CASZ1: variants seen among roughly 807,000 people sequenced by gnomAD.
The protein encoded by CASZ1 is zinc finger protein castor homolog 1.
Under a neutral mutation model 135.2 loss-of-function variants are expected in CASZ1, and 28 were observed. That is an observed-to-expected ratio of 0.21 (90% CI 0.15 to 0.28). The LOEUF is 0.28. Ranked by LOEUF, CASZ1 falls within the 10% of genes least tolerant of loss-of-function variation. The probability of loss-of-function intolerance (pLI) is 1.00; values close to 1 mark genes in which losing one functional copy is unlikely to be tolerated. For missense variants in CASZ1, 2,161 were observed against 2,453.3 expected, an observed-to-expected ratio of 0.88 and a Z score of 2.52; for synonymous variants, 1,068 against 1,073.4, an observed-to-expected ratio of 0.99 and a Z score of 0.10.
Position 10,659,780 on chromosome 1 carries a change from G to C in CASZ1, c.1262C>G (p.Ser421Cys), listed in dbSNP as rs1642946323. The change falls in exon 6 of 21, where the codon TCC becomes TGC. Residue 421 changes from serine to cysteine, a missense_variant. By Grantham distance (112) the Ser-to-Cys change is moderately radical. Coordinates refer to ENST00000377022, the MANE Select transcript of CASZ1 (RefSeq NM_001079843.3). ...CTTCAGGTACTCGGGAGTGTTGAAGGACAGGGAGGCAGGAGGCTCTGGCCC... is the reference window on the plus strand; with the variant it reads ...CTTCAGGTACTCGGGAGTGTTGAAGCACAGGGAGGCAGGAGGCTCTGGCCC... ...GPGPEPPASL[S>C]FNTPEYLKST... 1.2e-6 allele frequency: 2 copies of C among 1,613,984 alleles called. No individual in the cohort carries two copies. The highest frequency in any genetic ancestry group is 1.7e-6 in the Non-Finnish European group (2 of 1,179,908).
chr1:10,678,489 G>A (rs1393788919), intron 4 of CASZ1, among the ~76,000 whole-genome samples: 1 of 134,678 alleles, frequency 7.4e-6, no homozygotes, highest in Non-Finnish European at 1.7e-5. Flanking sequence ...GGGCAGCACC[G>A]CCCCCGCGAG....
chr1:10,656,580 G>A (rs778748019), intron 8 of CASZ1, 66 bp downstream of exon 8: 10 of 1,272,836 alleles, frequency 7.9e-6, no homozygotes, highest in Middle Eastern at 1.9e-4. Context: ...CCCGCCTGCC[G>A]ACTTCTAAGC....
chr1:10,715,809 CCA>C lies in CASZ1; in HGVS notation c.-76-10267_-76-10266del, dbSNP rs1487523215. 2.3e-4 allele frequency among the ~76,000 whole-genome samples: 28 copies of C among 124,126 alleles called. 1 individual carries two copies. Among genetic ancestry groups the C allele is most frequent in the South Asian group, 6.2e-4 (2 of 3,220 alleles). 81.4% of individuals were successfully genotyped at this position (124,126 alleles called of 152,430 possible). ...ACACCCACAGCACCCAATCCACACC[CCA>C]CAGCATCCAATCCGCACCTACAGCA... On this transcript the variant is annotated intron_variant, in intron 2 of 20. Coordinates refer to ENST00000377022, the MANE Select transcript of CASZ1 (RefSeq NM_001079843.3).
chr1:10,775,972 C>T (rs1429937249), intron 1 of CASZ1, among the ~76,000 whole-genome samples: 2 of 152,158 alleles, frequency 1.3e-5, no homozygotes, highest in Non-Finnish European at 2.9e-5. Flanking sequence ...GCCCTGAGCT[C>T]GTCTGGAACC....
intron 2 of CASZ1, among the ~76,000 whole-genome samples, chr1:10,728,886 G>C (rs1639644786): frequency 6.6e-6 from 1 of 152,148 alleles, no homozygotes; most frequent in East Asian, 1.9e-4. Flanking sequence ...CCAGCACACG[G>C]GGGCCGCAGG....
At chr1:10,753,668 G>A (rs561826549) in intron 2 of CASZ1, among the ~76,000 whole-genome samples, 11 of 152,248 alleles carry the variant, frequency 7.2e-5, no homozygotes, top group Admixed American at 5.2e-4. Context: ...CAGAAGGACC[G>A]GGGAAAGGAG....
At position 10,636,957 on chromosome 1, in the gene CASZ1, AAG is replaced by A. The variant is rs1642013783; in HGVS notation, c.*1983_*1984del. Reference sequence around the variant, plus strand: ...ACATACATAGTTATAAAACATTAAAAAGAGCATTGGTGGATCAAGCATTGTTT... The same window carrying A: ...ACATACATAGTTATAAAACATTAAAAAGCATTGGTGGATCAAGCATTGTTT... On this transcript the variant is annotated 3_prime_UTR_variant, in exon 21 of 21. Transcript: ENST00000377022. 1 of 152,378 alleles carries A rather than the reference AAG, an allele frequency of 6.6e-6. No homozygotes were observed. Among genetic ancestry groups the A allele is most frequent in the Non-Finnish European group, 1.5e-5 (1 of 68,030 alleles). 9.4% of individuals were successfully genotyped at this position (152,378 alleles called of 1,614,324 possible). A position where few individuals can be genotyped will look rare whatever the true frequency, so the allele number is the denominator to read the frequency against.
rs1640676863 is a variant in CASZ1, at chr1:10,777,190, A to G, written c.-233-16333T>C. Among the ~76,000 whole-genome samples, 1 of 152,202 alleles carries G rather than the reference A, an allele frequency of 6.6e-6. No individual in the cohort carries two copies. Among genetic ancestry groups the G allele is most frequent in the Non-Finnish European group, 1.5e-5 (1 of 68,040 alleles). On this transcript the variant is annotated intron_variant, in intron 1 of 20. Coordinates refer to ENST00000377022, the MANE Select transcript of CASZ1 (RefSeq NM_001079843.3). This position sits in a 1 kb window ranked among gnomAD's most constrained non-coding sequence, Gnocchi z 4.4. ...CTGCCTTCTTCACAGGAAGGGTCAT[A>G]ATGATGGAACGATCACACAGGTGTC...
At chr1:10,733,373 G>A (rs1384569266) in intron 2 of CASZ1, among the ~76,000 whole-genome samples, 2 of 152,178 alleles carry the variant, frequency 1.3e-5, no homozygotes, top group African/African-American at 2.4e-5. Flanking sequence ...TGTGTCCAGA[G>A]ACCCTGACAC....
In CASZ1 at chr1:10,646,296, G is replaced by A. The variant is rs979714006; in HGVS notation, c.3528C>T (p.Tyr1176=). Residue 1176 remains tyrosine (Y), a synonymous_variant, in exon 17 of 21, where the codon TAC becomes TAT. Coordinates refer to ENST00000377022, the MANE Select transcript of CASZ1 (RefSeq NM_001079843.3). The surrounding 1 kb of genome is among the most constrained non-coding windows in gnomAD (Gnocchi z 6.4). The stretch of plus-strand genomic sequence containing the variant: ...GACAGTGGAAGTGGAACTTGTTGGC[G>A]TACTTGCAGTCCGTGGCGAGGCAAG... ...NDPCLATDCK[Y]ANKFHFHCLF... 72 of 1,613,990 alleles carry A rather than the reference G, an allele frequency of 4.5e-5. No homozygotes were observed. The highest frequency in any genetic ancestry group is 5.4e-5 in the Non-Finnish European group (64 of 1,180,020).
At chr1:10,729,140 C>T (rs952450626) in intron 2 of CASZ1, among the ~76,000 whole-genome samples, 1 of 152,124 alleles carries the variant, frequency 6.6e-6, no homozygotes, top group Non-Finnish European at 1.5e-5. Flanking sequence ...GGCGGCCGGC[C>T]TGCGGCTCCT....
At position 10,756,864 on chromosome 1, in the gene CASZ1, G is replaced by A. The variant is rs954161977; in HGVS notation, c.-77+3837C>T. Among the ~76,000 whole-genome samples the A allele has an allele frequency of 2.0e-5, 3 of 152,188 alleles. No individual in the cohort carries two copies. The highest frequency in any genetic ancestry group is 4.8e-5 in the African/African-American group (2 of 41,452). On this transcript the variant is annotated intron_variant, in intron 2 of 20. Coordinates refer to ENST00000377022, the MANE Select transcript of CASZ1 (RefSeq NM_001079843.3). The surrounding 1 kb of genome is among the most constrained non-coding windows in gnomAD (Gnocchi z 5.9). ...AACGACGCTCTATATGACCCGGCAC[G>A]TGGAAAAAGGTGTGCAGAAGCTCAG...
chr1:10,666,314 C>T lies in CASZ1; in HGVS notation c.17-743G>A, dbSNP rs1057401817. Among the ~76,000 whole-genome samples, 2 of 152,214 alleles carry T rather than the reference C, an allele frequency of 1.3e-5. No homozygotes were observed. Among genetic ancestry groups the T allele is most frequent in the African/African-American group, 4.8e-5 (2 of 41,454 alleles). ...TCTCCTCCCTGCCTCAGGGTCTTCTCCAGCCCTTGCCAGCCCCCTCTTGGC... is the reference window on the plus strand; with the variant it reads ...TCTCCTCCCTGCCTCAGGGTCTTCTTCAGCCCTTGCCAGCCCCCTCTTGGC... On this transcript the variant is annotated intron_variant, in intron 4 of 20. Transcript: ENST00000377022. The surrounding 1 kb of genome is among the most constrained non-coding windows in gnomAD (Gnocchi z 5.2).
Position 10,694,664 on chromosome 1 carries a change from A to C in CASZ1, c.-23-752T>G. Among the ~76,000 whole-genome samples, 1 of 138,814 alleles carries C rather than the reference A, an allele frequency of 7.2e-6. No individual in the cohort carries two copies. The allele number at this position is 138,814 out of a possible 152,430, so 91.1% of individuals were successfully genotyped here. ...CGCCCGCCGCCCGGTGCCGGAGTGA[A>C]TGGGCTCGCGCTCGCTCGCGCCCCC... On this transcript the variant is annotated intron_variant, in intron 3 of 20. Transcript: ENST00000377022. The surrounding 1 kb of genome is among the most constrained non-coding windows in gnomAD (Gnocchi z 6.6).
chr1:10,791,746 A>G (rs1034309740), intron 1 of CASZ1, among the ~76,000 whole-genome samples: 2 of 20,922 alleles, frequency 9.6e-5, no homozygotes, highest in African/African-American at 1.7e-4. Flanking sequence ...AAAGAGGGGG[A>G]GAGAGAGAGA....
At chr1:10,662,423 C>T (rs563165302) in intron 5 of CASZ1, among the ~76,000 whole-genome samples, 2 of 152,178 alleles carry the variant, frequency 1.3e-5, no homozygotes, top group South Asian at 2.1e-4. Flanking sequence ...ACATACAATA[C>T]ACACATGCCT....
intron 6 of CASZ1, 69 bp downstream of exon 6, chr1:10,659,633 G>T: frequency 7.8e-7 from 1 of 1,278,042 alleles, no homozygotes; most frequent in Non-Finnish European, 1.1e-6. Context: ...GGCAACCCTG[G>T]TGAGGAAGGA....
intron 2 of CASZ1, among the ~76,000 whole-genome samples, chr1:10,746,790 A>C (rs1640049774): frequency 1.3e-5 from 2 of 152,238 alleles, no homozygotes; most frequent in African/African-American, 4.8e-5. Flanking sequence ...GAGCAGGGAA[A>C]AGAAAAAGCT....
At chr1:10,737,884 G>A (rs1557541940) in intron 2 of CASZ1, among the ~76,000 whole-genome samples, 1 of 152,258 alleles carries the variant, frequency 6.6e-6, no homozygotes, top group Admixed American at 6.5e-5. Flanking sequence ...GCTGGGCACA[G>A]CCCTGTGGGG....
Sources: gnomAD v4.1 joint callset for allele counts (sites outside exome capture counted in the v4.1 genomes callset) on GRCh38, gnomAD v4.1.1 for gene constraint, Gnocchi (gnomAD v3.1) non-coding constraint, MANE v1.5 for transcripts, NCBI Gene and HGNC (gene_info 2026-07-23, HGNC 2026-07-21) for gene names.